KHDRBS2: variants seen among roughly 807,000 people sequenced by gnomAD.
KHDRBS2 encodes the protein KH domain-containing, RNA-binding, signal transduction-associated protein 2.
KHDRBS2 carries 26 observed loss-of-function variants against 44.3 expected under a neutral mutation model. The ratio of observed to expected loss-of-function variants is 0.59; its 90% CI spans 0.43 to 0.81. KHDRBS2 has a LOEUF of 0.81. Among genes scored for constraint, KHDRBS2 ranks in the 40% least tolerant of loss-of-function variants. The pLI is 0.00. For synonymous variants in KHDRBS2, 194 were observed against 151.1 expected, an observed-to-expected ratio of 1.28 and a Z score of -2.08; for missense variants, 476 against 433.1, an observed-to-expected ratio of 1.10 and a Z score of -0.88.
intron 2 of KHDRBS2, among the ~76,000 whole-genome samples, chr6:62,156,419 A>G (rs1816390091): frequency 6.6e-6 from 1 of 152,204 alleles, no homozygotes; most frequent in Non-Finnish European, 1.5e-5. Context: ...AGATTGAACT[A>G]AAAGCAAGAT....
intron 6 of KHDRBS2, among the ~76,000 whole-genome samples, chr6:61,857,998 C>A (rs1339260053): frequency 6.6e-6 from 1 of 151,754 alleles, no homozygotes; most frequent in Non-Finnish European, 1.5e-5. Context: ...TGCATAACAT[C>A]TAAGAAATGT....
At chr6:62,105,305 GAAA>G (rs1802928098) in intron 2 of KHDRBS2, among the ~76,000 whole-genome samples, 1 of 152,068 alleles carries the variant, frequency 6.6e-6, no homozygotes. Flanking sequence ...ATCACAAACA[GAAA>G]AAGAAAATTC....
chr6:61,786,245 T>C (rs1392034259), intron 6 of KHDRBS2, among the ~76,000 whole-genome samples: 1 of 151,906 alleles, frequency 6.6e-6, no homozygotes, highest in Non-Finnish European at 1.5e-5. Flanking sequence ...GTGGAAAAAT[T>C]TGCTATTAAA....
chr6:61,773,556 A>T lies in KHDRBS2; in HGVS notation c.811-40792T>A, dbSNP rs199561347. Among the ~76,000 whole-genome samples, 156 of 148,414 alleles carry T rather than the reference A, an allele frequency of 1.1e-3. 1 individual carries two copies. In the Middle Eastern group the frequency reaches 0.024, roughly 23 times the overall value. On this transcript the variant is annotated intron_variant, in intron 6 of 8. Coordinates refer to ENST00000281156, the MANE Select transcript of KHDRBS2 (RefSeq NM_152688.4). Reference sequence around the variant, plus strand: ...TTCTGGATATTAGCCCTTTGTCAGAAGAGTAGGTTGCAAAAATTTTCTCCC... The same window carrying T: ...TTCTGGATATTAGCCCTTTGTCAGATGAGTAGGTTGCAAAAATTTTCTCCC...
intron 2 of KHDRBS2, among the ~76,000 whole-genome samples, chr6:62,088,108 A>G (rs1459282716): frequency 2.0e-5 from 3 of 152,140 alleles, no homozygotes; most frequent in African/African-American, 7.2e-5. Flanking sequence ...CTCTTCTCAC[A>G]GTTCTTAGCT....
intron 1 of KHDRBS2, among the ~76,000 whole-genome samples, chr6:62,281,442 A>C (rs905389000): frequency 1.3e-5 from 2 of 151,966 alleles, no homozygotes; most frequent in African/African-American, 4.8e-5. Flanking sequence ...CAACATGGTG[A>C]AATCCAGTCT....
At chr6:62,132,973 T>G (rs551603279) in intron 2 of KHDRBS2, among the ~76,000 whole-genome samples, 73 of 152,200 alleles carry the variant, frequency 4.8e-4, no homozygotes, top group Non-Finnish European at 7.6e-4. Context: ...AAGGGCCACA[T>G]AGTAAAGTAT....
At chr6:61,581,059 A>G in the KHDRBS2 span, among the ~76,000 whole-genome samples, 1 of 152,206 alleles carries the variant, frequency 6.6e-6, no homozygotes, top group Non-Finnish European at 1.5e-5. Flanking sequence ...AAAGAGGGAG[A>G]AGGGACATCA....
chr6:62,146,502 T>C (rs1283994943), intron 2 of KHDRBS2, among the ~76,000 whole-genome samples: 5 of 151,834 alleles, frequency 3.3e-5, no homozygotes, highest in Admixed American at 6.6e-5. Flanking sequence ...TTCCCTTACA[T>C]ACTTGTCAAT....
At chr6:61,848,501 A>ATG (rs1794815884) in intron 6 of KHDRBS2, among the ~76,000 whole-genome samples, 2 of 63,788 alleles carry the variant, frequency 3.1e-5, no homozygotes, top group African/African-American at 7.9e-5. Context: ...GTATATATAT[A>ATG]TATATATATG....
chr6:61,807,020 T>G (rs891523249), intron 6 of KHDRBS2, among the ~76,000 whole-genome samples: 1 of 152,050 alleles, frequency 6.6e-6, no homozygotes, highest in African/African-American at 2.4e-5. Flanking sequence ...TATTTTACTT[T>G]GTGAATAAGA....
In KHDRBS2 at chr6:61,946,027, G is replaced by C. The variant is rs562343052; in HGVS notation, c.483+32039C>G. Among the ~76,000 whole-genome samples, 263 of 152,298 alleles carry C rather than the reference G, an allele frequency of 1.7e-3. 2 individuals carry two copies. Among genetic ancestry groups the C allele is most frequent in the African/African-American group, 6.0e-3 (249 of 41,568 alleles). On this transcript the variant is annotated intron_variant, in intron 4 of 8. Transcript: ENST00000281156. Reference sequence around the variant, plus strand: ...ACTCAGAGAAAGAGATTGAAAGAGAGAGAGTAATGAGAGATAATGCAGGCA... The same window carrying C: ...ACTCAGAGAAAGAGATTGAAAGAGACAGAGTAATGAGAGATAATGCAGGCA...
intron 3 of KHDRBS2, among the ~76,000 whole-genome samples, chr6:61,982,446 C>T (rs1216687263): frequency 2.0e-5 from 3 of 151,712 alleles, no homozygotes; most frequent in African/African-American, 7.3e-5. Context: ...CTGAGGAGGG[C>T]GGATCACGAG....
At chr6:62,238,122 T>A (rs1834002379) in intron 1 of KHDRBS2, among the ~76,000 whole-genome samples, 1 of 151,910 alleles carries the variant, frequency 6.6e-6, no homozygotes, top group South Asian at 2.1e-4. Flanking sequence ...AATTGTCAAA[T>A]TAATTAGATG....
At chr6:61,674,538 G>A in the KHDRBS2 span, among the ~76,000 whole-genome samples, 3 of 151,776 alleles carry the variant, frequency 2.0e-5, no homozygotes, top group South Asian at 6.2e-4. Flanking sequence ...GTTTTTATGT[G>A]AAAATTCTAG....
chr6:61,905,771 T>C (rs1804867252), intron 4 of KHDRBS2, among the ~76,000 whole-genome samples: 1 of 151,950 alleles, frequency 6.6e-6, no homozygotes, highest in Non-Finnish European at 1.5e-5. Flanking sequence ...GTTTTCCTGA[T>C]TAGACAATCA....
intron 1 of KHDRBS2, among the ~76,000 whole-genome samples, chr6:62,219,837 GTATA>G (rs1173350312): frequency 6.8e-6 from 1 of 146,506 alleles, no homozygotes; most frequent in East Asian, 2.0e-4. Context: ...ATATATAATT[GTATA>G]TATATAACTT....
intron 3 of KHDRBS2, among the ~76,000 whole-genome samples, chr6:61,985,045 AG>A (rs1774776422): frequency 1.3e-5 from 2 of 152,140 alleles, no homozygotes; most frequent in Non-Finnish European, 2.9e-5. Context: ...TCTCCCACCT[AG>A]TCCCTCCTGT....
rs1187101935 is a variant in KHDRBS2 at position 62,220,254 on chromosome 6, C to T, written c.92-42942G>A. Among the ~76,000 whole-genome samples, 7 of 151,824 alleles carry T rather than the reference C, an allele frequency of 4.6e-5. No homozygotes were observed. In the East Asian group the frequency reaches 1.2e-3, roughly 25 times the overall value. Reference sequence around the variant, plus strand: ...AACCAGAGAATTTGCCACCAACAAACTTGTACAATTTAAATAGTAACATAT... The same window carrying T: ...AACCAGAGAATTTGCCACCAACAAATTTGTACAATTTAAATAGTAACATAT... On this transcript the variant is annotated intron_variant, in intron 1 of 8. Coordinates refer to ENST00000281156, the MANE Select transcript of KHDRBS2 (RefSeq NM_152688.4).
Sources: gnomAD v4.1 joint callset for allele counts (sites outside exome capture counted in the v4.1 genomes callset) on GRCh38, gnomAD v4.1.1 for gene constraint, MANE v1.5 for transcripts, NCBI Gene and HGNC (gene_info 2026-07-23, HGNC 2026-07-21) for gene names.